The following SLC9C1 variants were observed in gnomAD, a reference collection of about 807,000 sequenced individuals.
SLC9C1 encodes the protein solute carrier family 9 member C1.
Under a neutral mutation model 140.9 loss-of-function variants are expected in SLC9C1, and 97 were observed. The observed-to-expected ratio is 0.69, with a 90% confidence interval of 0.58 to 0.82. SLC9C1 has a LOEUF of 0.82. Ranked by LOEUF, SLC9C1 falls within the 40% of genes least tolerant of loss-of-function variation. SLC9C1 has a pLI of 0.00. For synonymous variants in SLC9C1, 440 were observed against 442.6 expected (o/e 0.99, Z 0.07); for missense variants, 1,340 against 1,389.3 (o/e 0.96, Z 0.56).
At chr3:112,222,303 A>G (rs961275354) in intron 13 of SLC9C1, among the ~76,000 whole-genome samples, 4 of 152,178 alleles carry the variant, frequency 2.6e-5, no homozygotes, top group Non-Finnish European at 4.4e-5. Flanking sequence ...GGAACGCAGA[A>G]ACCAAATCAA....
At chr3:112,222,648 T>C (rs187857943) in intron 13 of SLC9C1, among the ~76,000 whole-genome samples, 1 of 152,278 alleles carries the variant, frequency 6.6e-6, no homozygotes, top group African/African-American at 2.4e-5. Flanking sequence ...TCACATATCA[T>C]ATTAGTAACA....
At chr3:112,239,097 G>T (rs2079071009) in intron 12 of SLC9C1, among the ~76,000 whole-genome samples, 1 of 152,230 alleles carries the variant, frequency 6.6e-6, no homozygotes, top group Non-Finnish European at 1.5e-5. Flanking sequence ...AGCTGCAGTG[G>T]GCTCCACCCA....
At position 112,278,878 on chromosome 3, in the gene SLC9C1, C is replaced by A. The variant is rs1323155515; in HGVS notation, c.190-21G>T. 3.3e-5 allele frequency: 53 copies of A among 1,594,086 alleles called. 1 individual carries two copies. Among genetic ancestry groups the A allele is most frequent in the Non-Finnish European group, 4.2e-5 (49 of 1,173,256 alleles). On this transcript the variant is annotated intron_variant, in intron 3 of 28. Coordinates refer to ENST00000305815, the MANE Select transcript of SLC9C1 (RefSeq NM_183061.3). Reference sequence around the variant, plus strand: ...TGGACCTAATATTATACAAATATATCATCTTCTCATTTATTCATCACTATT... The same window carrying A: ...TGGACCTAATATTATACAAATATATAATCTTCTCATTTATTCATCACTATT...
intron 18 of SLC9C1, 99 bp from the exon 19 acceptor site, chr3:112,200,861 T>A: frequency 9.3e-7 from 1 of 1,077,840 alleles, no homozygotes; most frequent in Non-Finnish European, 1.3e-6. Context: ...AGTTAATAGT[T>A]TTAAGAGAAG....
intron 12 of SLC9C1, among the ~76,000 whole-genome samples, chr3:112,236,619 T>G (rs2078994098): frequency 6.6e-6 from 1 of 152,232 alleles, no homozygotes; most frequent in Non-Finnish European, 1.5e-5. Context: ...GCCATAAATT[T>G]CCCTCTACAC....
intron 23 of SLC9C1, among the ~76,000 whole-genome samples, chr3:112,177,005 CTTT>C (rs57879370): frequency 3.2e-4 from 33 of 104,706 alleles, no homozygotes; most frequent in African/African-American, 1.1e-3. Context: ...CTCTCTCTCT[CTTT>C]TTTTTTTTTT....
At chr3:112,173,294 G>A (rs2077278703) in intron 23 of SLC9C1, among the ~76,000 whole-genome samples, 2 of 152,076 alleles carry the variant, frequency 1.3e-5, no homozygotes, top group Non-Finnish European at 2.9e-5. Flanking sequence ...TTTTCATTTA[G>A]GTTTAAGGAT....
intron 15 of SLC9C1, among the ~76,000 whole-genome samples, chr3:112,212,803 A>C (rs4574265): frequency 0.76 from 114,868 of 152,128 alleles, 43,778 homozygotes; most frequent in East Asian, 0.99. Context: ...TCCAGGAGAG[A>C]TTCCCCAACC....
intron 13 of SLC9C1, among the ~76,000 whole-genome samples, chr3:112,222,198 T>C (rs1057231820): frequency 6.6e-6 from 1 of 152,166 alleles, no homozygotes; most frequent in Non-Finnish European, 1.5e-5. Context: ...ATGAGGAAGC[T>C]GAAGATTATA....
At position 112,205,628 on chromosome 3, in the gene SLC9C1, C is replaced by CCTCACGCTACATGACTTCAAACT. The variant is rs1252368034; in HGVS notation, c.1987-1226_1987-1225insAGTTTGAAGTCATGTAGCGTGAG. 4.8e-5 allele frequency among the ~76,000 whole-genome samples: 3 copies of CCTCACGCTACATGACTTCAAACT among 62,708 alleles called. 1 individual carries two copies. The highest frequency in any genetic ancestry group is 0.015 in the East Asian group (2 of 134). 41.1% of individuals were successfully genotyped at this position (62,708 alleles called of 152,430 possible). ...TAAGCCAAAAGAACAAAGCTGGAAA[C>CCTCACGCTACATGACTTCAAACT]AGCATGGTACTGGTACCAAAACAGA... On this transcript the variant is annotated intron_variant, in intron 16 of 28. Transcript: ENST00000305815.
chr3:112,153,120 A>G (rs2075030593), intron 27 of SLC9C1, among the ~76,000 whole-genome samples: 1 of 152,208 alleles, frequency 6.6e-6, no homozygotes, highest in Non-Finnish European at 1.5e-5. Context: ...ATCTAACTGC[A>G]GGGAGAAGAA....
At chr3:112,261,540 G>A (rs1289436080) in intron 10 of SLC9C1, among the ~76,000 whole-genome samples, 2 of 152,002 alleles carry the variant, frequency 1.3e-5, no homozygotes, top group African/African-American at 4.8e-5. Flanking sequence ...ATATGTCTTT[G>A]ATGTTAGTAT....
chr3:112,197,554 A>C (rs1178257040), intron 20 of SLC9C1, among the ~76,000 whole-genome samples: 1 of 152,142 alleles, frequency 6.6e-6, no homozygotes, highest in Admixed American at 6.6e-5. Context: ...CTAAGAGATA[A>C]ACATGACAGA....
chr3:112,284,076 A>C (rs2080435561), intron 2 of SLC9C1, among the ~76,000 whole-genome samples: 2 of 152,238 alleles, frequency 1.3e-5, no homozygotes, highest in African/African-American at 4.8e-5. Flanking sequence ...AGCAAAGAAA[A>C]GTGATAATGC....
At position 112,202,269 on chromosome 3, in the gene SLC9C1, C is replaced by A. The variant is rs9288938; in HGVS notation, c.2303G>T (p.Ser768Ile). 0.28 allele frequency: 457,473 copies of A among 1,609,404 alleles called. 66,578 individuals are homozygous for A. Among genetic ancestry groups the A allele is most frequent in the Admixed American group, 0.38 (22,396 of 59,562 alleles). ...DIMTIIDQITSSKQIKQMLLK... is the reference protein window; with the variant it reads ...DIMTIIDQITISKQIKQMLLK... ...TCTTACCTGTTTAATCTGTTTAGAACTTGTAATCTGATCAATTATGGTCAT... is the reference window on the plus strand; with the variant it reads ...TCTTACCTGTTTAATCTGTTTAGAAATTGTAATCTGATCAATTATGGTCAT... Residue 768 changes from serine to isoleucine, a missense_variant, in exon 18 of 29, where the codon AGT becomes ATT. Coordinates refer to ENST00000305815, the MANE Select transcript of SLC9C1 (RefSeq NM_183061.3).
chr3:112,185,442 C>A, intron 20 of SLC9C1: 1 of 1,535,726 alleles, frequency 6.5e-7, no homozygotes, highest in Non-Finnish European at 8.9e-7. Flanking sequence ...CAGCCCAGCC[C>A]CTCTATGAAA....
At chr3:112,180,069 T>C (rs2077410015) in intron 22 of SLC9C1, among the ~76,000 whole-genome samples, 1 of 152,216 alleles carries the variant, frequency 6.6e-6, no homozygotes, top group South Asian at 2.1e-4. Context: ...TTTAAAATGA[T>C]GGATAGTGTT....
chr3:112,274,370 G>A (rs1277713501), intron 6 of SLC9C1, among the ~76,000 whole-genome samples: 1 of 151,890 alleles, frequency 6.6e-6, no homozygotes, highest in Non-Finnish European at 1.5e-5. Flanking sequence ...TATGGTTTAG[G>A]GCTATCTGAA....
intron 15 of SLC9C1, among the ~76,000 whole-genome samples, chr3:112,214,112 G>A (rs1294928507): frequency 6.6e-6 from 1 of 152,120 alleles, no homozygotes; most frequent in African/African-American, 2.4e-5. Context: ...GTGACTACTG[G>A]GTACATGACA....
Sources: allele counts gnomAD v4.1 joint callset (sites outside exome capture counted in the v4.1 genomes callset), GRCh38; gene constraint gnomAD v4.1.1; transcripts MANE v1.5; gene names NCBI Gene and HGNC (gene_info 2026-07-23, HGNC 2026-07-21).